The following PYHIN1 variants were observed in gnomAD, a reference collection of about 807,000 sequenced individuals.
PYHIN1 encodes pyrin and HIN domain family member 1.
Under a neutral mutation model 43.7 loss-of-function variants are expected in PYHIN1, and 32 were observed. That is an observed-to-expected ratio of 0.73 (90% confidence interval 0.55 to 0.98). PYHIN1 has a LOEUF of 0.98. PYHIN1 is among the 50% of genes least tolerant of loss of function. The pLI, the probability that PYHIN1 is intolerant of heterozygous loss-of-function variation, is 0.00. For synonymous variants in PYHIN1, 205 were observed against 203.1 expected, an observed-to-expected ratio of 1.01 and a Z score of -0.08; for missense variants, 588 against 589.5, an observed-to-expected ratio of 1.00 and a Z score of 0.03.
At chr1:158,935,975 A>G (rs1408028974) in intron 1 of PYHIN1, among the ~76,000 whole-genome samples, 2 of 152,144 alleles carry the variant, frequency 1.3e-5, no homozygotes, top group Admixed American at 6.5e-5. Context: ...TCCTAAAGCA[A>G]AAGTTCTTCA....
intron 7 of PYHIN1, among the ~76,000 whole-genome samples, chr1:158,958,784 TTA>T (rs1650133157): frequency 9.0e-6 from 1 of 110,748 alleles, no homozygotes; most frequent in South Asian, 3.7e-4. Flanking sequence ...AAAAAATAAA[TTA>T]AAAAAAAAAA....
At chr1:158,937,633 T>C (rs72704916) in intron 2 of PYHIN1, among the ~76,000 whole-genome samples, 8,769 of 152,246 alleles carry the variant, frequency 0.058, 365 homozygotes, top group Middle Eastern at 0.099. Flanking sequence ...CCTCTTGTCA[T>C]GTTATTGAGT....
Position 158,942,086 on chromosome 1 carries a change from C to T in PYHIN1, c.689C>T (p.Ser230Phe). Residue 230 changes from serine (S) to phenylalanine (F), a missense_variant, in exon 5 of 9, where the codon TCC becomes TTC. Ser to Phe is a radical substitution (Grantham distance 155, BLOSUM62 -2). Coordinates refer to ENST00000368140, the MANE Select transcript of PYHIN1 (RefSeq NM_152501.5). ...LNATKVFKYE[S>F]SENEQRRMFH... is the part of the protein sequence containing the mutation. ...GCAACAAAAGTATTTAAATATGAAT[C>T]CTCAGAAAATGAGCAAAGAAGAATG... 6.2e-7 allele frequency: 1 copy of T among 1,613,984 alleles called. No individual in the cohort carries two copies. Among genetic ancestry groups the T allele is most frequent in the Non-Finnish European group, 8.5e-7 (1 of 1,179,968 alleles).
Position 158,941,882 on chromosome 1 carries a change from G to C in PYHIN1, c.580-95G>C, listed in dbSNP as rs1207888200. 4 of 1,177,662 alleles carry C rather than the reference G, an allele frequency of 3.4e-6. No individual in the cohort carries two copies. The East Asian group carries it at 1.0e-4, about 30-fold the overall frequency. 73.0% of individuals were successfully genotyped at this position (1,177,662 alleles called of 1,614,324 possible). A position where few individuals can be genotyped will look rare whatever the true frequency, so the allele number is the denominator to read the frequency against. The stretch of plus-strand genomic sequence containing the variant: ...CCAGCTCTACACATCTACAACTTTT[G>C]GGGGCCCAATGTTGTGCCTTGAGGT... On this transcript the variant is annotated intron_variant, in intron 4 of 8. Coordinates refer to ENST00000368140, the MANE Select transcript of PYHIN1 (RefSeq NM_152501.5).
rs1418808301 is a variant in PYHIN1 at position 158,933,867 on chromosome 1, C to G, written c.-21+2091C>G. The stretch of plus-strand genomic sequence containing the variant: ...CACATAATCAAGTTCGTTTTTCATT[C>G]TTACTTGTCTTTTGGCCTGCAGCTT... On this transcript the variant is annotated intron_variant, in intron 1 of 8. Transcript: ENST00000368140. This position sits in a 1 kb window ranked among gnomAD's most constrained non-coding sequence, Gnocchi z 6.3. Among the ~76,000 whole-genome samples, 1 of 151,824 alleles carries G rather than the reference C, an allele frequency of 6.6e-6. No homozygotes were observed. The highest frequency in any genetic ancestry group is 1.5e-5 in the Non-Finnish European group (1 of 67,900).
At chr1:158,949,429 T>G (rs534127296) in intron 7 of PYHIN1, among the ~76,000 whole-genome samples, 79 of 152,208 alleles carry the variant, frequency 5.2e-4, no homozygotes, top group African/African-American at 1.9e-3. Flanking sequence ...ATGGGCACAA[T>G]GTGCAGGTTA....
chr1:158,984,111 A>C, the PYHIN1 span, among the ~76,000 whole-genome samples: 5 of 89,958 alleles, frequency 5.6e-5, no homozygotes, highest in Non-Finnish European at 1.2e-4. Context: ...TAGTTTTCTT[A>C]ATTATTTTTG....
intron 4 of PYHIN1, chr1:158,939,623 T>C: frequency 8.7e-7 from 1 of 1,153,590 alleles, no homozygotes; most frequent in Non-Finnish European, 1.3e-6. Context: ...TCACACACCA[T>C]ATTTCTTTCA....
intron 7 of PYHIN1, among the ~76,000 whole-genome samples, chr1:158,970,887 T>C (rs978995992): frequency 6.6e-6 from 1 of 152,032 alleles, no homozygotes; most frequent in African/African-American, 2.4e-5. Context: ...ATTTCACATA[T>C]GAGAATCATG....
chr1:158,935,913 A>G (rs1013880153), intron 1 of PYHIN1, among the ~76,000 whole-genome samples: 1 of 152,104 alleles, frequency 6.6e-6, no homozygotes, highest in African/African-American at 2.4e-5. Context: ...TCCCTCTAAC[A>G]CCTGGACCCA....
the PYHIN1 span, among the ~76,000 whole-genome samples, chr1:158,984,028 G>GTTTTTTTTTTTTTTT: frequency 4.5e-5 from 5 of 111,180 alleles, no homozygotes; most frequent in East Asian, 2.5e-4. Flanking sequence ...ATCTTCTCCT[G>GTTTTTTTTTTTTTTT]TTTTTTTTTT....
chr1:158,945,804 G>A (rs1356818899), intron 7 of PYHIN1, among the ~76,000 whole-genome samples: 1 of 152,200 alleles, frequency 6.6e-6, no homozygotes, highest in African/African-American at 2.4e-5. Context: ...TTCTGTGTTT[G>A]AGCATTTAAC....
chr1:158,975,101 C>G (rs1274810232), intron 8 of PYHIN1, among the ~76,000 whole-genome samples: 1 of 151,974 alleles, frequency 6.6e-6, no homozygotes, highest in African/African-American at 2.4e-5. Context: ...CCTAACCTCC[C>G]ATATAGCCAT....
the PYHIN1 span, among the ~76,000 whole-genome samples, chr1:158,989,252 C>T: frequency 6.6e-6 from 1 of 152,018 alleles, no homozygotes; most frequent in Non-Finnish European, 1.5e-5. Context: ...AGATTTTGGA[C>T]TTAGTTAATT....
chr1:158,948,809 G>T (rs1290888382), intron 7 of PYHIN1, among the ~76,000 whole-genome samples: 2 of 152,116 alleles, frequency 1.3e-5, no homozygotes, highest in African/African-American at 4.8e-5. Context: ...GTGTCAAATT[G>T]ACTGGTAGGA....
At chr1:158,952,355 C>T (rs1158744133) in intron 7 of PYHIN1, among the ~76,000 whole-genome samples, 2 of 137,178 alleles carry the variant, frequency 1.5e-5, no homozygotes, top group Non-Finnish European at 3.1e-5. Flanking sequence ...GCCTCTGATG[C>T]TTTTCAAAAT....
intron 1 of PYHIN1, among the ~76,000 whole-genome samples, chr1:158,932,568 T>C (rs1648225041): frequency 6.6e-6 from 1 of 152,226 alleles, no homozygotes; most frequent in African/African-American, 2.4e-5. Flanking sequence ...ATCTCAATTT[T>C]ACAAAACATG....
At chr1:158,940,608 G>A (rs1290251403) in intron 4 of PYHIN1, among the ~76,000 whole-genome samples, 2 of 151,744 alleles carry the variant, frequency 1.3e-5, no homozygotes, top group Non-Finnish European at 3.0e-5. Context: ...TTAAAAAAAT[G>A]TTCTATATTT....
chr1:158,945,253 T>G, intron 7 of PYHIN1: 1 of 444,230 alleles, frequency 2.3e-6, no homozygotes, highest in Non-Finnish European at 3.9e-6. Flanking sequence ...CAACGATTGC[T>G]GACCACAAGA....
Sources: gnomAD v4.1 joint callset for allele counts (sites outside exome capture counted in the v4.1 genomes callset) on GRCh38, gnomAD v4.1.1 for gene constraint, Gnocchi (gnomAD v3.1) non-coding constraint, MANE v1.5 for transcripts, NCBI Gene and HGNC (gene_info 2026-07-23, HGNC 2026-07-21) for gene names.